ITIH6: variants seen among roughly 807,000 people sequenced by gnomAD.
The protein encoded by ITIH6 is inter-alpha-trypsin inhibitor heavy chain H6.
A neutral mutation model predicts 58.2 loss-of-function variants in ITIH6; 60 were observed. The observed-to-expected ratio is 1.03, with a 90% CI of 0.84 to 1.28. The LOEUF (loss-of-function observed/expected upper bound fraction) is 1.28. Among genes scored for constraint, ITIH6 ranks in the 50% most tolerant of loss-of-function variants. The probability of loss-of-function intolerance (pLI) is 0.00; values close to 1 mark genes in which losing one functional copy is unlikely to be tolerated. For synonymous variants in ITIH6, 493 were observed against 417.4 expected (o/e 1.18, Z -2.21); for missense variants, 1,290 against 1,021.1 (o/e 1.26, Z -3.59).
chrX:54,768,728 G>A (rs1477402080), intron 6 of ITIH6, among the ~76,000 whole-genome samples: 1 of 103,444 alleles, frequency 9.7e-6, no homozygotes, highest in Non-Finnish European at 2.0e-5. Context: ...CTGGCTTGTA[G>A]GGTTTCTGCC....
At chrX:54,791,533 G>A (rs1356670761) in intron 3 of ITIH6, among the ~76,000 whole-genome samples, 1 of 110,741 alleles carries the variant, frequency 9.0e-6, no homozygotes. Flanking sequence ...AAGCTAAAGT[G>A]TTTGCTCCAT....
At chrX:54,760,581 C>T (rs1928615382) in intron 6 of ITIH6, among the ~76,000 whole-genome samples, 1 of 111,364 alleles carries the variant, frequency 9.0e-6, no homozygotes, top group Non-Finnish European at 1.9e-5. Flanking sequence ...TAATGCTATC[C>T]TTCCCCCCGC....
In ITIH6 at chrX:54,751,147, G is replaced by A. The variant is rs1286601205; in HGVS notation, c.3586C>T (p.Arg1196Cys). 1 of 1,210,496 alleles carries A rather than the reference G, an allele frequency of 8.3e-7. No individual in the cohort carries two copies. The highest frequency in any genetic ancestry group is 1.7e-5 in the African/African-American group (1 of 57,883). Residue 1196 changes from arginine to cysteine, a missense_variant, in exon 12 of 13, where the codon CGC (arginine) becomes TGC (cysteine). Coordinates refer to ENST00000218436, the MANE Select transcript of ITIH6 (RefSeq NM_198510.3). ...TAGGGCCCAAGGCGGAGGGTAAGGC[G>A]GGCTGCAGCAGCCACATAGAGCTCC... ...QLELYVAAAA[R>C]LTLRLGPYLE...
At chrX:54,760,143 T>G (rs922239353) in intron 6 of ITIH6, among the ~76,000 whole-genome samples, 4 of 112,232 alleles carry the variant, frequency 3.6e-5, no homozygotes, top group Non-Finnish European at 7.5e-5. Context: ...AATAGTCACA[T>G]GTAGCTACTT....
At position 54,758,743 on chromosome X, in the gene ITIH6, T is replaced by C; in HGVS notation, c.1331A>G (p.Glu444Gly). 8.3e-7 allele frequency: 1 copy of C among 1,211,174 alleles called. No homozygotes were observed. The highest frequency in any genetic ancestry group is 1.1e-6 in the Non-Finnish European group (1 of 895,141). ...TATGCGCCGGGCTATTCCCCGGTTT[T>C]CCAGGGACAGGCGGCGCAGCAGTGT... ...DFTLLRRLSL[E>G]NRGIARRIYE... The change falls in exon 8 of 13, where the codon GAA (glutamate) becomes GGA (glycine). Residue 444 changes from glutamate (E) to glycine (G), a missense_variant. Physicochemically the swap from Glu to Gly is moderately conservative, Grantham distance 98 (BLOSUM62 -2). Coordinates refer to ENST00000218436, the MANE Select transcript of ITIH6 (RefSeq NM_198510.3).
chrX:54,761,122 T>C (rs1928632803), intron 6 of ITIH6, among the ~76,000 whole-genome samples: 1 of 112,176 alleles, frequency 8.9e-6, no homozygotes, highest in African/African-American at 3.2e-5. Flanking sequence ...TTTTTAATGA[T>C]TGCCATTTTA....
At chrX:54,778,382 A>G (rs748604560) in intron 5 of ITIH6, among the ~76,000 whole-genome samples, 2 of 110,332 alleles carry the variant, frequency 1.8e-5, no homozygotes, top group African/African-American at 3.3e-5. Flanking sequence ...TTTAGTAGAG[A>G]CAAGGTTTCA....
chrX:54,793,670 C>G (rs1269334182), intron 2 of ITIH6, among the ~76,000 whole-genome samples: 1 of 111,694 alleles, frequency 9.0e-6, no homozygotes, highest in African/African-American at 3.3e-5. Context: ...GAGTGGACAT[C>G]CTGGACAGAC....
Position 54,755,754 on chromosome X carries a change from T to C in ITIH6, c.3110-645A>G, listed in dbSNP as rs1180545610. Among the ~76,000 whole-genome samples, 3 of 109,752 alleles carry C rather than the reference T, an allele frequency of 2.7e-5. No homozygotes were observed. In the Admixed American group the frequency reaches 2.9e-4, roughly 11 times the overall value. On this transcript the variant is annotated intron_variant, in intron 8 of 12. Coordinates refer to ENST00000218436, the MANE Select transcript of ITIH6 (RefSeq NM_198510.3). Reference sequence around the variant, plus strand: ...ACCAGTGGGGCTGGAGTTCAGAGAATGGGTGGGAGAGAGTGAGGTCATAGA... The same window carrying C: ...ACCAGTGGGGCTGGAGTTCAGAGAACGGGTGGGAGAGAGTGAGGTCATAGA...
chrX:54,780,756 C>G (rs1282009342), intron 5 of ITIH6, among the ~76,000 whole-genome samples: 1 of 110,005 alleles, frequency 9.1e-6, no homozygotes. Flanking sequence ...ACAAAATTGA[C>G]AAACCTTTAC....
At position 54,790,913 on chromosome X, in the gene ITIH6, C is replaced by T; in HGVS notation, c.540G>A (p.Val180=). 1.6e-6 allele frequency: 2 copies of T among 1,212,313 alleles called. 1 individual carries two copies. The highest frequency in any genetic ancestry group is 3.5e-5 in the South Asian group (2 of 57,050). ...CATAGGAGATGCCTGTCCTTTCTGACACTGTAACCTCTATGCTCAGCCTCT... is the reference window on the plus strand; with the variant it reads ...CATAGGAGATGCCTGTCCTTTCTGATACTGTAACCTCTATGCTCAGCCTCT... ...LVKRLSIEVT[V]SERTGISYVH... is the part of the protein sequence containing the mutation. The change falls in exon 4 of 13, where the codon GTG becomes GTA. Residue 180 remains valine, a synonymous_variant. Transcript: ENST00000218436.
At chrX:54,793,155 A>C (rs1367840575) in intron 2 of ITIH6, among the ~76,000 whole-genome samples, 1 of 110,917 alleles carries the variant, frequency 9.0e-6, no homozygotes, top group Non-Finnish European at 1.9e-5. Context: ...TATTATTATT[A>C]TACTTTAAGT....
rs28791020 is a variant in ITIH6 at position 54,767,031 on chromosome X, G to T, written c.903+7050C>A. Among the ~76,000 whole-genome samples, 311 of 110,305 alleles carry T rather than the reference G, an allele frequency of 2.8e-3. 6 individuals are homozygous for T. Among genetic ancestry groups the T allele is most frequent in the Admixed American group, 0.027 (273 of 10,295 alleles). ...ATCCATCTGGTCCTGGACTCTTTTT[G>T]GTTGGTAAACTATTGGTTATTGCCA... On this transcript the variant is annotated intron_variant, in intron 6 of 12. Coordinates refer to ENST00000218436, the MANE Select transcript of ITIH6 (RefSeq NM_198510.3).
At chrX:54,790,408 C>G (rs1929321440) in intron 4 of ITIH6, among the ~76,000 whole-genome samples, 2 of 112,322 alleles carry the variant, frequency 1.8e-5, no homozygotes, top group African/African-American at 6.4e-5. Flanking sequence ...CCTCCAGGGC[C>G]TGAGATGGTG....
At chrX:54,771,080 T>C (rs1245199105) in intron 6 of ITIH6, among the ~76,000 whole-genome samples, 2 of 112,116 alleles carry the variant, frequency 1.8e-5, no homozygotes, top group Non-Finnish European at 3.8e-5. Context: ...GTTTATATCC[T>C]TGCTCCTCTA....
chrX:54,758,054 T>G lies in ITIH6; in HGVS notation c.2020A>C (p.Thr674Pro), dbSNP rs1236912027. Residue 674 changes from threonine to proline, a missense_variant, in exon 8 of 13, where the codon ACT (threonine) becomes CCT (proline). Thr to Pro is a conservative substitution (Grantham distance 38, BLOSUM62 -1). Coordinates refer to ENST00000218436, the MANE Select transcript of ITIH6 (RefSeq NM_198510.3). ...VKPKFYLSST[T>P]TASTKKMLSS... ...AGCATCTTCTTGGTAGAGGCAGTAG[T>G]AGTTGAGGATAAGTAGAACTTTGGT... The G allele has an allele frequency of 3.3e-6, 4 of 1,208,923 alleles. No homozygotes were observed.
At chrX:54,788,364 T>C in intron 5 of ITIH6, 116 bp downstream of exon 5, 1 of 608,233 alleles carries the variant, frequency 1.6e-6, no homozygotes, top group East Asian at 3.5e-5. Context: ...CCTATCCTTG[T>C]TCCCTAGCCC....
rs922720031 is a variant in ITIH6, at chrX:54,759,188, T to C, written c.1076-190A>G. Among the ~76,000 whole-genome samples the C allele has an allele frequency of 3.6e-5, 4 of 111,097 alleles. No individual in the cohort carries two copies. In the Admixed American group the frequency reaches 3.8e-4, roughly 11 times the overall value. On this transcript the variant is annotated intron_variant, in intron 7 of 12. Transcript: ENST00000218436. ...CTGAGATCTGACATTGGGGCCCACA[T>C]GTCCTTGGCTTTTATCACTCTCTGT...
intron 11 of ITIH6, among the ~76,000 whole-genome samples, chrX:54,751,796 T>A (rs763613979): frequency 8.9e-6 from 1 of 112,040 alleles, no homozygotes; most frequent in African/African-American, 3.2e-5. Flanking sequence ...TAGTGTATGT[T>A]GTGTGTACCT....
Sources: gnomAD v4.1 joint callset for allele counts (sites outside exome capture counted in the v4.1 genomes callset) on GRCh38, gnomAD v4.1.1 for gene constraint, MANE v1.5 for transcripts, NCBI Gene and HGNC (gene_info 2026-07-23, HGNC 2026-07-21) for gene names.